Variants in ARSG observed in about 807,000 individuals in gnomAD.
ARSG encodes the protein ASG.
A neutral mutation model predicts 50.5 loss-of-function variants in ARSG; 37 were observed. The observed-to-expected ratio is 0.73, with a 90% CI of 0.56 to 0.96. The LOEUF (loss-of-function observed/expected upper bound fraction) is 0.96. Among genes scored for constraint, ARSG ranks in the 50% least tolerant of loss-of-function variants. The pLI, the probability that ARSG is intolerant of heterozygous loss-of-function variation, is 0.00. For synonymous variants in ARSG, 225 were observed against 254.6 expected, an observed-to-expected ratio of 0.88 and a Z score of 1.11; for missense variants, 629 against 675.3, an observed-to-expected ratio of 0.93 and a Z score of 0.76.
intron 11 of ARSG, among the ~76,000 whole-genome samples, chr17:68,406,960 A>G (rs1429406885): frequency 6.6e-6 from 1 of 152,220 alleles, no homozygotes; most frequent in Non-Finnish European, 1.5e-5. Flanking sequence ...AATGTCTAGA[A>G]GGGCTTTTCC....
the ARSG span, among the ~76,000 whole-genome samples, chr17:68,431,304 C>G: frequency 6.6e-6 from 1 of 152,146 alleles, no homozygotes; most frequent in Non-Finnish European, 1.5e-5. Context: ...ATTTGGGAAA[C>G]AGGAATCATC....
At chr17:68,272,385 A>G (rs1341289890) in intron 1 of ARSG, among the ~76,000 whole-genome samples, 1 of 152,232 alleles carries the variant, frequency 6.6e-6, no homozygotes, top group Admixed American at 6.5e-5. Context: ...TCTGGAATGC[A>G]TGTGTCAAGA....
chr17:68,426,254 G>GCCCCCCCCCCCC, downstream of ARSG: 3 of 816,892 alleles, frequency 3.7e-6, no homozygotes, highest in Non-Finnish European at 1.9e-6. Flanking sequence ...GGGAGCGGGG[G>GCCCCCCCCCCCC]CTCAAATAAA....
In ARSG at chr17:68,270,948, A is replaced by G. The variant is rs373835620; in HGVS notation, c.-552+11522A>G. ...CGACATCATCCTCAGCAAGCAGTGG[A>G]ATGTGAGTCCCTCCTATTGTTCCAA... On this transcript the variant is annotated intron_variant, in intron 1 of 11. Transcript: ENST00000448504. The G allele has an allele frequency of 2.0e-5, 33 of 1,614,208 alleles. 1 individual carries two copies. In the East Asian group the frequency reaches 2.9e-4, roughly 14 times the overall value.
At position 68,307,541 on chromosome 17, in the gene ARSG, A is replaced by C. The variant is rs1555764727; in HGVS notation, c.48A>C (p.Ser16=). The C allele has an allele frequency of 6.2e-7, 1 of 1,614,174 alleles. No individual in the cohort carries two copies. Among genetic ancestry groups the C allele is most frequent in the Admixed American group, 1.7e-5 (1 of 60,012 alleles). The change falls in exon 2 of 12, where the codon TCA becomes TCC. Residue 16 remains serine, a synonymous_variant. Coordinates refer to ENST00000621439, the MANE Select transcript of ARSG (RefSeq NM_001267727.2). ...LKVLLAGVSF[S]GFLYPLVDFC... is the part of the protein sequence containing the mutation. ...TTTTGTTGGCGGGAGTGAGTTTCTC[A>C]GGATTTCTTTATCCTCTTGTGGATT...
chr17:68,403,651 A>G (rs758662918), intron 11 of ARSG, among the ~76,000 whole-genome samples: 5 of 152,230 alleles, frequency 3.3e-5, no homozygotes, highest in Admixed American at 6.5e-5. Flanking sequence ...TGGTCTTGAA[A>G]AGACAACCAG....
chr17:68,422,973 C>T (rs1014143134), downstream of ARSG, among the ~76,000 whole-genome samples: 1 of 152,248 alleles, frequency 6.6e-6, no homozygotes, highest in South Asian at 2.1e-4. Context: ...AGGAGGCAAG[C>T]GTGATCCTAC....
intron 1 of ARSG, among the ~76,000 whole-genome samples, chr17:68,282,288 T>G (rs2075718239): frequency 2.0e-5 from 3 of 148,476 alleles, no homozygotes; most frequent in South Asian, 2.1e-4. Context: ...CACTCATAGG[T>G]GGGAATTGAA....
chr17:68,434,874 G>A, the ARSG span, among the ~76,000 whole-genome samples: 2 of 152,152 alleles, frequency 1.3e-5, no homozygotes, highest in Non-Finnish European at 2.9e-5. Flanking sequence ...GTGTGTGCAT[G>A]TGTGTGTTCA....
chr17:68,286,597 C>A (rs184564287), upstream of ARSG, among the ~76,000 whole-genome samples: 1 of 152,100 alleles, frequency 6.6e-6, no homozygotes, highest in African/African-American at 2.4e-5. Context: ...CTTAGCCTCC[C>A]GGGTTCAAGC....
downstream of ARSG, chr17:68,426,109 G>C (rs2083154450): frequency 6.2e-7 from 1 of 1,612,504 alleles, no homozygotes; most frequent in African/African-American, 1.3e-5. Context: ...AAGACACACT[G>C]GTCCCGTCGC....
chr17:68,336,251 C>T (rs1025231261), intron 2 of ARSG, among the ~76,000 whole-genome samples: 4 of 151,614 alleles, frequency 2.6e-5, no homozygotes, highest in Non-Finnish European at 5.9e-5. Context: ...ACTCTGTCGC[C>T]CAGGCTGCAG....
At chr17:68,390,938 T>A (rs1336270923) in intron 9 of ARSG, among the ~76,000 whole-genome samples, 1 of 151,392 alleles carries the variant, frequency 6.6e-6, no homozygotes, top group Non-Finnish European at 1.5e-5. Flanking sequence ...TTTTTTTTTT[T>A]TTTAATGAAG....
the ARSG span, chr17:68,444,467 A>G: frequency 3.8e-6 from 6 of 1,593,896 alleles, no homozygotes; most frequent in Non-Finnish European, 2.6e-6. Context: ...AATTTCAGGG[A>G]CATTTGTTCC....
At chr17:68,380,210 C>CTCCT (rs1044281525) in intron 8 of ARSG, among the ~76,000 whole-genome samples, 3 of 148,810 alleles carry the variant, frequency 2.0e-5, no homozygotes, top group East Asian at 3.9e-4. Flanking sequence ...ACCTTCCTTC[C>CTCCT]TCCTTCCTTC....
At chr17:68,426,890 G>A (rs536428549), downstream of ARSG, among the ~76,000 whole-genome samples, 21 of 152,320 alleles carry the variant, frequency 1.4e-4, 1 homozygote, top group South Asian at 4.1e-3. Flanking sequence ...GAAAAAGACC[G>A]TATCGTGTGA....
chr17:68,406,337 C>T (rs1243520763), intron 11 of ARSG, among the ~76,000 whole-genome samples: 1 of 152,166 alleles, frequency 6.6e-6, no homozygotes, highest in African/African-American at 2.4e-5. Flanking sequence ...GCAAATTGTG[C>T]TGCTATAAAT....
At chr17:68,380,224 C>G (rs999858597) in intron 8 of ARSG, among the ~76,000 whole-genome samples, 2 of 151,590 alleles carry the variant, frequency 1.3e-5, no homozygotes, top group African/African-American at 4.8e-5. Context: ...TTCCTTCCTT[C>G]CTTTCTCTCT....
intron 2 of ARSG, among the ~76,000 whole-genome samples, chr17:68,338,702 T>C (rs1427922246): frequency 6.6e-6 from 1 of 152,166 alleles, no homozygotes; most frequent in Non-Finnish European, 1.5e-5. Flanking sequence ...TATGAGCCCA[T>C]CCTAGGGCTC....
Sources: gnomAD v4.1 joint callset for allele counts (sites outside exome capture counted in the v4.1 genomes callset) on GRCh38, gnomAD v4.1.1 for gene constraint, MANE v1.5 for transcripts, NCBI Gene and HGNC (gene_info 2026-07-23, HGNC 2026-07-21) for gene names.